The following CAMSAP2 variants were observed in gnomAD, a reference collection of about 807,000 sequenced individuals.
The protein encoded by CAMSAP2 is calmodulin regulated spectrin associated protein family member 2, also known as calmodulin-regulated spectrin-associated protein 2.
CAMSAP2 carries 26 observed loss-of-function variants against 146.1 expected under a neutral mutation model. The ratio of observed to expected loss-of-function variants is 0.18; its 90% confidence interval spans 0.13 to 0.25. CAMSAP2 has a LOEUF of 0.25. Among genes scored for constraint, CAMSAP2 ranks in the 10% least tolerant of loss-of-function variants. The pLI, the probability that CAMSAP2 is intolerant of heterozygous loss-of-function variation, is 1.00. For missense variants in CAMSAP2, 1,381 were observed against 1,759.3 expected (o/e 0.78, Z 3.85); for synonymous variants, 499 against 596.6 (o/e 0.84, Z 2.38).
chr1:200,835,824 C>T (rs1667171065), intron 6 of CAMSAP2, among the ~76,000 whole-genome samples: 1 of 152,046 alleles, frequency 6.6e-6, no homozygotes, highest in African/African-American at 2.4e-5. Flanking sequence ...AATGCTACTT[C>T]TGTAATCTCA....
intron 1 of CAMSAP2, among the ~76,000 whole-genome samples, chr1:200,746,487 T>A (rs2102986810): frequency 6.6e-6 from 1 of 152,276 alleles, no homozygotes; most frequent in South Asian, 2.1e-4. Flanking sequence ...ATGTTGAGTT[T>A]GAGGAATATA....
chr1:200,822,761 G>T (rs1285595623), intron 4 of CAMSAP2, among the ~76,000 whole-genome samples: 2 of 152,188 alleles, frequency 1.3e-5, no homozygotes, highest in Admixed American at 6.5e-5. Context: ...ACAGCAATGG[G>T]CAGGTAGCAT....
In CAMSAP2 at chr1:200,856,042, G is replaced by C; in HGVS notation, c.3929G>C (p.Ser1310Thr). The stretch of plus-strand genomic sequence containing the variant: ...TCTGTAGAAGGCTTCTTATCTCCAA[G>C]TCGTTGTGGCAGTCGAAATGGAGAA... Reference protein sequence around the residue: ...SESVEGFLSPSRCGSRNGEKD... With the variant: ...SESVEGFLSPTRCGSRNGEKD... The change falls in exon 15 of 17, where the codon AGT becomes ACT. Residue 1310 changes from serine (S) to threonine (T), a missense_variant. Around this residue, in one of 4 missense-constraint regions of CAMSAP2, gnomAD observed 560 missense variants for 715.9 expected, o/e 0.78. Coordinates refer to ENST00000358823, the MANE Select transcript of CAMSAP2 (RefSeq NM_203459.4). 6.2e-7 allele frequency: 1 copy of C among 1,613,720 alleles called. No homozygotes were observed. Among genetic ancestry groups the C allele is most frequent in the East Asian group, 2.2e-5 (1 of 44,880 alleles).
chr1:200,761,623 T>C (rs1664804044), intron 2 of CAMSAP2, among the ~76,000 whole-genome samples: 1 of 151,786 alleles, frequency 6.6e-6, no homozygotes, highest in East Asian at 1.9e-4. Flanking sequence ...TAATCCCAGT[T>C]ACTTGGGAGG....
chr1:200,753,305 A>C (rs944026765), intron 1 of CAMSAP2, among the ~76,000 whole-genome samples: 1 of 151,730 alleles, frequency 6.6e-6, no homozygotes, highest in African/African-American at 2.4e-5. Context: ...TCTCAAAAAA[A>C]AAAAAAAAAA....
At chr1:200,822,167 C>T (rs7538023) in intron 4 of CAMSAP2, among the ~76,000 whole-genome samples, 41,006 of 151,262 alleles carry the variant, frequency 0.27, 5,892 homozygotes, top group East Asian at 0.37. Flanking sequence ...CACACACACA[C>T]ACACACACGT....
At chr1:200,766,663 T>G (rs1571731372) in intron 2 of CAMSAP2, among the ~76,000 whole-genome samples, 1 of 123,108 alleles carries the variant, frequency 8.1e-6, no homozygotes, top group South Asian at 2.4e-4. Flanking sequence ...TCTTTTTCGG[T>G]TTTTTTTCTT....
intron 2 of CAMSAP2, among the ~76,000 whole-genome samples, chr1:200,785,810 C>G (rs1665573718): frequency 6.6e-6 from 1 of 152,186 alleles, no homozygotes; most frequent in South Asian, 2.1e-4. Context: ...GCCTCAGCTT[C>G]CCAAGTAGCT....
intron 2 of CAMSAP2, among the ~76,000 whole-genome samples, chr1:200,780,768 A>T (rs534404944): frequency 1.3e-5 from 2 of 152,292 alleles, no homozygotes; most frequent in East Asian, 3.9e-4. Context: ...TTATGTGCAA[A>T]TCTTGTGAAA....
At chr1:200,740,869 G>A (rs933916946) in intron 1 of CAMSAP2, among the ~76,000 whole-genome samples, 1 of 152,198 alleles carries the variant, frequency 6.6e-6, no homozygotes, top group Non-Finnish European at 1.5e-5. Context: ...TTCATTGGAA[G>A]ATGCTTCTGT....
intron 6 of CAMSAP2, among the ~76,000 whole-genome samples, chr1:200,840,863 AT>A (rs931749491): frequency 1.3e-5 from 2 of 152,180 alleles, no homozygotes; most frequent in Non-Finnish European, 2.9e-5. Flanking sequence ...TAGAAAACAT[AT>A]TATTTTAAAT....
At chr1:200,795,197 A>G (rs770580385) in intron 2 of CAMSAP2, among the ~76,000 whole-genome samples, 3 of 152,180 alleles carry the variant, frequency 2.0e-5, no homozygotes, top group Non-Finnish European at 4.4e-5. Context: ...TATTATTTAA[A>G]TAATCCTGGA....
In CAMSAP2 at chr1:200,849,335, A is replaced by G. The variant is rs189038502; in HGVS notation, c.2566A>G (p.Ile856Val). 4.2e-5 allele frequency: 68 copies of G among 1,614,112 alleles called. No individual in the cohort carries two copies. The highest frequency in any genetic ancestry group is 2.2e-4 in the Admixed American group (13 of 60,010). The part of the protein sequence containing the change: ...AKWLKSPTTP[I>V]DPEKQWNLAS... ...ATGGCTAAAGTCTCCAACTACACCT[A>G]TTGATCCTGAGAAGCAGTGGAACCT... The change falls in exon 11 of 17, where the codon ATT becomes GTT. Residue 856 changes from isoleucine (I) to valine (V), a missense_variant. By Grantham distance (29) the Ile-to-Val change is conservative. Coordinates refer to ENST00000358823, the MANE Select transcript of CAMSAP2 (RefSeq NM_203459.4). The surrounding 1 kb of genome is among the most constrained non-coding windows in gnomAD (Gnocchi z 6.3).
In CAMSAP2 at chr1:200,739,796, G is replaced by T; in HGVS notation, c.-32G>T. The T allele has an allele frequency of 6.2e-7, 1 of 1,608,342 alleles. No individual in the cohort carries two copies. The highest frequency in any genetic ancestry group is 2.2e-5 in the East Asian group (1 of 44,644). ...CGAGGCCACGCCATGTGAAGGTTAG[G>T]GCCGGGACATCCCGAGGAGCCGCGG... On this transcript the variant is annotated 5_prime_UTR_variant, in exon 1 of 17. Coordinates refer to ENST00000358823, the MANE Select transcript of CAMSAP2 (RefSeq NM_203459.4). This position sits in a 1 kb window ranked among gnomAD's most constrained non-coding sequence, Gnocchi z 4.8.
At chr1:200,741,929 T>C (rs575997063) in intron 1 of CAMSAP2, among the ~76,000 whole-genome samples, 28 of 152,348 alleles carry the variant, frequency 1.8e-4, no homozygotes, top group African/African-American at 6.5e-4. Context: ...TTAACTTTCC[T>C]ACTATCACAG....
intron 3 of CAMSAP2, among the ~76,000 whole-genome samples, chr1:200,814,402 T>A (rs1283889427): frequency 6.6e-6 from 1 of 150,898 alleles, no homozygotes; most frequent in Admixed American, 6.6e-5. Context: ...AGGTCAGGAG[T>A]TTGAGACCAG....
At chr1:200,777,372 A>G (rs1665309766) in intron 2 of CAMSAP2, among the ~76,000 whole-genome samples, 1 of 152,162 alleles carries the variant, frequency 6.6e-6, no homozygotes, top group South Asian at 2.1e-4. Flanking sequence ...CTGTATAGTA[A>G]AGTTGCTTCA....
In CAMSAP2 at chr1:200,832,909, A is replaced by T; in HGVS notation, c.927+64A>T. ...AAATATGTTTTTTTAAAAAACAAAC[A>T]AAAACACCGGGAACAGTGGCTCATG... On this transcript the variant is annotated intron_variant, in intron 6 of 16. Transcript: ENST00000358823. The surrounding 1 kb of genome is among the most constrained non-coding windows in gnomAD (Gnocchi z 4.2). 7.0e-7 allele frequency: 1 copy of T among 1,420,256 alleles called. No individual in the cohort carries two copies. The highest frequency in any genetic ancestry group is 9.5e-7 in the Non-Finnish European group (1 of 1,049,808). The allele number at this position is 1,420,256 out of a possible 1,614,324, so 88.0% of individuals were successfully genotyped here. A position where few individuals can be genotyped will look rare whatever the true frequency, so the allele number is the denominator to read the frequency against.
chr1:200,751,070 T>G (rs1253574144), intron 1 of CAMSAP2, among the ~76,000 whole-genome samples: 1 of 151,474 alleles, frequency 6.6e-6, no homozygotes, highest in African/African-American at 2.4e-5. Context: ...GCCCAGCTAA[T>G]TTTTGTATTT....
Sources: gnomAD v4.1 joint callset for allele counts (sites outside exome capture counted in the v4.1 genomes callset) on GRCh38, gnomAD v4.1.1 for gene constraint, gnomAD v4.1.1 regional missense constraint, Gnocchi (gnomAD v3.1) non-coding constraint, MANE v1.5 for transcripts, NCBI Gene and HGNC (gene_info 2026-07-23, HGNC 2026-07-21) for gene names.